Variants in CCDC85C observed in about 807,000 individuals in gnomAD.
CCDC85C encodes the protein coiled-coil domain-containing protein 85C.
A neutral mutation model predicts 38.3 loss-of-function variants in CCDC85C; 18 were observed. The ratio of observed to expected loss-of-function variants is 0.47; its 90% CI spans 0.33 to 0.70. The LOEUF (loss-of-function observed/expected upper bound fraction) is 0.70, where lower values mean the gene tolerates loss of function less well. Among genes scored for constraint, CCDC85C ranks in the 30% least tolerant of loss-of-function variants. CCDC85C has a pLI of 0.03. For synonymous variants in CCDC85C, 264 were observed against 293.8 expected (o/e 0.90, Z 1.04); for missense variants, 566 against 621.2 (o/e 0.91, Z 0.94).
At chr14:99,577,908 TC>T (rs1407895980) in intron 1 of CCDC85C, among the ~76,000 whole-genome samples, 1 of 138,372 alleles carries the variant, frequency 7.2e-6, no homozygotes, top group African/African-American at 2.9e-5. Context: ...CCATCCTGTA[TC>T]CCCCATCAGT....
chr14:99,501,346 C>G lies in CCDC85C; in HGVS notation c.*13900G>C, dbSNP rs781579005. Reference sequence around the variant, plus strand: ...TTGCTATTAATTTACCTTTTTGTCCCCATTTCTAGGTGATAAAAACAAAAT... The same window carrying G: ...TTGCTATTAATTTACCTTTTTGTCCGCATTTCTAGGTGATAAAAACAAAAT... On this transcript the variant is annotated 3_prime_UTR_variant, in exon 6 of 6. Coordinates refer to ENST00000380243, the MANE Select transcript of CCDC85C (RefSeq NM_001144995.2). 16 of 1,584,024 alleles carry G rather than the reference C, an allele frequency of 1.0e-5. No individual in the cohort carries two copies. The highest frequency in any genetic ancestry group is 1.3e-5 in the African/African-American group (1 of 74,244).
intron 1 of CCDC85C, among the ~76,000 whole-genome samples, chr14:99,549,071 C>G (rs1284468565): frequency 6.6e-6 from 1 of 152,174 alleles, no homozygotes; most frequent in Non-Finnish European, 1.5e-5. Flanking sequence ...CAGGGTGCCT[C>G]CGCTCCACCT....
Position 99,561,424 on chromosome 14 carries a change from G to C in CCDC85C, c.794-25336C>G, listed in dbSNP as rs1168613998. On this transcript the variant is annotated intron_variant, in intron 1 of 5. Transcript: ENST00000380243. ...GTGGCTCAGCAGGGGTGGGGCCTGG[G>C]CACCTGCCCAGCCATCCTCCACGGC... is the stretch of plus-strand genomic sequence containing the variant. 2.6e-5 allele frequency among the ~76,000 whole-genome samples: 4 copies of C among 152,284 alleles called. No individual in the cohort carries two copies. The East Asian group carries it at 7.7e-4, about 29-fold the overall frequency.
At chr14:99,556,224 C>T (rs1290651286) in intron 1 of CCDC85C, among the ~76,000 whole-genome samples, 1 of 152,230 alleles carries the variant, frequency 6.6e-6, no homozygotes, top group Non-Finnish European at 1.5e-5. Context: ...CAAGACCAGT[C>T]TGGGCAACAT....
intron 1 of CCDC85C, among the ~76,000 whole-genome samples, chr14:99,581,909 C>T (rs1213946437): frequency 2.6e-5 from 4 of 152,218 alleles, no homozygotes; most frequent in Admixed American, 6.5e-5. Context: ...CGACGCATCA[C>T]GGCAAGTCAC....
chr14:99,577,249 G>A (rs982120807), intron 1 of CCDC85C, among the ~76,000 whole-genome samples: 1 of 151,836 alleles, frequency 6.6e-6, no homozygotes, highest in African/African-American at 2.4e-5. Context: ...TTTCAGAACC[G>A]ACTGCAGGCC....
At chr14:99,522,024 G>A in intron 3 of CCDC85C, 109 bp downstream of exon 3, 1 of 798,468 alleles carries the variant, frequency 1.3e-6, no homozygotes, top group Non-Finnish European at 2.1e-6. Context: ...TAGGGCTGGG[G>A]CTGAACTCAG....
intron 1 of CCDC85C, among the ~76,000 whole-genome samples, chr14:99,584,463 T>G (rs1488928060): frequency 6.6e-6 from 1 of 152,090 alleles, no homozygotes; most frequent in Admixed American, 6.5e-5. Context: ...CAAGCATCCT[T>G]GCCACACCAT....
chr14:99,603,702 C>T lies in CCDC85C; in HGVS notation c.258G>A (p.Glu86=). 1.3e-6 allele frequency: 2 copies of T among 1,514,144 alleles called. No homozygotes were observed. Among genetic ancestry groups the T allele is most frequent in the South Asian group, 1.2e-5 (1 of 81,534 alleles). 93.8% of individuals were successfully genotyped at this position (1,514,144 alleles called of 1,614,324 possible). Reference sequence around the variant, plus strand: ...GGTCGTCGTCGAGGAAGCAGCAGAGCTCGCGCAGCTCCTGGTTGTCGTCCT... The same window carrying T: ...GGTCGTCGTCGAGGAAGCAGCAGAGTTCGCGCAGCTCCTGGTTGTCGTCCT... The part of the protein sequence containing the change: ...RLQDDNQELR[E]LCCFLDDDRQ... Residue 86 remains glutamate (E), a synonymous_variant, in exon 1 of 6, where the codon GAG becomes GAA. Transcript: ENST00000380243. This position sits in a 1 kb window ranked among gnomAD's most constrained non-coding sequence, Gnocchi z 7.5.
At chr14:99,563,895 GGGCACAGGTCCT>G (rs77713528) in intron 1 of CCDC85C, among the ~76,000 whole-genome samples, 68,302 of 151,984 alleles carry the variant, frequency 0.45, 15,571 homozygotes, top group Middle Eastern at 0.5. Context: ...GGCAGGGGGT[GGGCACAGGTCCT>G]TGGCAATGGA....
intron 1 of CCDC85C, among the ~76,000 whole-genome samples, chr14:99,551,096 T>C (rs1376466345): frequency 6.6e-6 from 1 of 152,256 alleles, no homozygotes; most frequent in Non-Finnish European, 1.5e-5. Flanking sequence ...CATGAAGTAC[T>C]GGAACCACTA....
At chr14:99,519,033 T>G (rs1897268226) in intron 3 of CCDC85C, among the ~76,000 whole-genome samples, 1 of 149,714 alleles carries the variant, frequency 6.7e-6, no homozygotes, top group Admixed American at 6.7e-5. Context: ...TTAGGGCAGA[T>G]GGGCCCACTG....
At position 99,548,812 on chromosome 14, in the gene CCDC85C, CCAAAACAAAAA is replaced by C. The variant is rs1366504766; in HGVS notation, c.794-12735_794-12725del. 2.0e-5 allele frequency among the ~76,000 whole-genome samples: 3 copies of C among 151,886 alleles called. No individual in the cohort carries two copies. The highest frequency in any genetic ancestry group is 1.9e-4 in the East Asian group (1 of 5,188). ...CTCTAAAAACTAAAAGCAAAAAAAC[CCAAAACAAAAA>C]CAAAACAAAAAGATGAACCAAATAC... On this transcript the variant is annotated intron_variant, in intron 1 of 5. Transcript: ENST00000380243. This position sits in a 1 kb window ranked among gnomAD's most constrained non-coding sequence, Gnocchi z 4.9.
At chr14:99,517,961 A>G (rs1897251387) in intron 3 of CCDC85C, among the ~76,000 whole-genome samples, 1 of 152,160 alleles carries the variant, frequency 6.6e-6, no homozygotes, top group Non-Finnish European at 1.5e-5. Context: ...CCAGACAGAA[A>G]ACACCCAGCG....
intron 1 of CCDC85C, among the ~76,000 whole-genome samples, chr14:99,567,836 A>G (rs1898246754): frequency 6.6e-6 from 1 of 152,206 alleles, no homozygotes; most frequent in Non-Finnish European, 1.5e-5. Context: ...AAAACAAAAC[A>G]AAACAAAAAA....
intron 1 of CCDC85C, among the ~76,000 whole-genome samples, chr14:99,567,137 C>G (rs552936011): frequency 1.0e-5 from 1 of 98,540 alleles, no homozygotes; most frequent in Non-Finnish European, 2.0e-5. Context: ...AGATGGGAAG[C>G]GGTCCCTCCC....
In CCDC85C at chr14:99,522,256, G is replaced by A. The variant is rs1444159712; in HGVS notation, c.868-16C>T. Reference sequence around the variant, plus strand: ...AGCCTGCCTGCTGCAGGGGAGAGAAGGAGAGGGGTTAGACGGAGGGCCAGG... The same window carrying A: ...AGCCTGCCTGCTGCAGGGGAGAGAAAGAGAGGGGTTAGACGGAGGGCCAGG... On this transcript the variant is annotated splice_polypyrimidine_tract_variant and intron_variant, in intron 2 of 5. Transcript: ENST00000380243. 1.3e-6 allele frequency: 2 copies of A among 1,537,200 alleles called. No individual in the cohort carries two copies. The highest frequency in any genetic ancestry group is 2.0e-5 in the Admixed American group (1 of 50,912).
intron 1 of CCDC85C, among the ~76,000 whole-genome samples, chr14:99,549,105 C>G (rs1034245283): frequency 6.6e-6 from 1 of 152,164 alleles, no homozygotes; most frequent in Non-Finnish European, 1.5e-5. Flanking sequence ...TCTTAAAAGG[C>G]AAAGATCTGA....
intron 2 of CCDC85C, among the ~76,000 whole-genome samples, chr14:99,529,467 A>G (rs1238677878): frequency 6.6e-6 from 1 of 152,096 alleles, no homozygotes; most frequent in African/African-American, 2.4e-5. Context: ...CAGTGCTGCA[A>G]TCTCGGCTTG....
Sources: gnomAD v4.1 joint callset for allele counts (sites outside exome capture counted in the v4.1 genomes callset) on GRCh38, gnomAD v4.1.1 for gene constraint, Gnocchi (gnomAD v3.1) non-coding constraint, MANE v1.5 for transcripts, NCBI Gene and HGNC (gene_info 2026-07-23, HGNC 2026-07-21) for gene names.